Variants in VLDLR observed in about 807,000 individuals in gnomAD.
VLDLR encodes very low-density lipoprotein receptor.
VLDLR carries 81 observed loss-of-function variants against 112.7 expected under a neutral mutation model. The observed-to-expected ratio is 0.72, with a 90% CI of 0.60 to 0.86. The LOEUF (loss-of-function observed/expected upper bound fraction) is 0.86. VLDLR is among the 40% of genes least tolerant of loss of function. VLDLR has a pLI of 0.00. For missense variants in VLDLR, 1,237 were observed against 1,099.4 expected, an observed-to-expected ratio of 1.13 and a Z score of -1.77; for synonymous variants, 436 against 384.8, an observed-to-expected ratio of 1.13 and a Z score of -1.56.
chr9:2,653,934 G>A lies in VLDLR; in HGVS notation c.*66G>A. On this transcript the variant is annotated 3_prime_UTR_variant, in exon 19 of 19. Coordinates refer to ENST00000382100, the MANE Select transcript of VLDLR (RefSeq NM_003383.5). ...ATACCCCCGTCGGAATGGTAACCGA[G>A]CCAGCAGCTGAAGTCTCTTTTTCTT... 1.3e-6 allele frequency: 2 copies of A among 1,546,716 alleles called. No individual in the cohort carries two copies. The highest frequency in any genetic ancestry group is 1.8e-6 in the Non-Finnish European group (2 of 1,118,964).
rs114160150 is a variant in VLDLR at position 2,632,750 on chromosome 9, C to T, written c.83-2703C>T. On this transcript the variant is annotated intron_variant, in intron 1 of 18. Coordinates refer to ENST00000382100, the MANE Select transcript of VLDLR (RefSeq NM_003383.5). ...GTCAGGTGGCTAAGGGCTGGGCATT[C>T]GATTTAGTGTCTGAGCTCTCCCTCT... is the stretch of plus-strand genomic sequence containing the variant. 7.9e-3 allele frequency among the ~76,000 whole-genome samples: 1,208 copies of T among 152,006 alleles called. 23 individuals are homozygous for T. Among genetic ancestry groups the T allele is most frequent in the African/African-American group, 0.028 (1,158 of 41,482 alleles).
rs937418154 is a variant in VLDLR, at chr9:2,648,720, A to C, written c.2014A>C (p.Lys672Gln). The change falls in exon 14 of 19, where the codon AAA (lysine) becomes CAA (glutamine). Residue 672 changes from lysine (K) to glutamine (Q), a missense_variant. Transcript: ENST00000382100. ...GENEAVYGAN[K>Q]FTGSELATLV... ...AAATGAAGCAGTCTATGGTGCCAAT[A>C]AATTCACTGGATCAGAGCTAGCCAC... is the stretch of plus-strand genomic sequence containing the variant. 6.2e-7 allele frequency: 1 copy of C among 1,614,054 alleles called. No individual in the cohort carries two copies. The highest frequency in any genetic ancestry group is 8.5e-7 in the Non-Finnish European group (1 of 1,180,046).
rs149535475 is a variant in VLDLR, at chr9:2,651,413, A to C, written c.2252-2A>C. 6 of 1,613,514 alleles carry C rather than the reference A, an allele frequency of 3.7e-6. No individual in the cohort carries two copies. The African/African-American group carries it at 8.0e-5, about 22-fold the overall frequency. ...ACCAGGTTCTTGGTTTTTATAATTC[A>C]GGTACTGCAACTACTGTGACTTACA... On this transcript the variant is annotated splice_acceptor_variant, in intron 15 of 18. Coordinates refer to ENST00000382100, the MANE Select transcript of VLDLR (RefSeq NM_003383.5). LOFTEE classifies it high-confidence loss of function.
At position 2,654,125 on chromosome 9, in the gene VLDLR, C is replaced by T; in HGVS notation, c.*257C>T. ...GAATTTCTAGACAGTATTGCCACCT[C>T]TGGCCAAATATGCACTTTCCCTAGA... On this transcript the variant is annotated 3_prime_UTR_variant, in exon 19 of 19. Transcript: ENST00000382100. The T allele has an allele frequency of 2.0e-6, 1 of 495,550 alleles. No individual in the cohort carries two copies. The highest frequency in any genetic ancestry group is 3.7e-6 in the Non-Finnish European group (1 of 271,776). 30.7% of individuals were successfully genotyped at this position (495,550 alleles called of 1,614,324 possible).
Position 2,642,508 on chromosome 9 carries a change from C to T in VLDLR, c.449-652C>T, listed in dbSNP as rs371183308. ...TCGTGGTCTCTATTCTAATTGCCAC[C>T]AAATTGTGACCTTGAAACATTTGGC... On this transcript the variant is annotated intron_variant, in intron 4 of 18. Coordinates refer to ENST00000382100, the MANE Select transcript of VLDLR (RefSeq NM_003383.5). Among the ~76,000 whole-genome samples, 8 of 152,146 alleles carry T rather than the reference C, an allele frequency of 5.3e-5. No individual in the cohort carries two copies. The East Asian group carries it at 5.8e-4, about 11-fold the overall frequency.
chr9:2,633,783 T>C (rs1375772966), intron 1 of VLDLR, among the ~76,000 whole-genome samples: 1 of 152,164 alleles, frequency 6.6e-6, no homozygotes, highest in Non-Finnish European at 1.5e-5. Context: ...TAAGGTCATA[T>C]AGAACTGCAA....
intron 1 of VLDLR, among the ~76,000 whole-genome samples, chr9:2,631,754 A>G (rs371069048): frequency 1.4e-4 from 21 of 152,308 alleles, no homozygotes; most frequent in African/African-American, 5.1e-4. Flanking sequence ...GTAGTTAACA[A>G]AAACGTGCTC....
chr9:2,641,305 C>T (rs1817809959), intron 3 of VLDLR, 72 bp from the exon 4 acceptor site: 2 of 1,609,686 alleles, frequency 1.2e-6, no homozygotes, highest in Non-Finnish European at 1.7e-6. Flanking sequence ...TTAGCGCTTC[C>T]AGGCAGCACA....
chr9:2,626,960 A>T (rs910454725), intron 1 of VLDLR, among the ~76,000 whole-genome samples: 30 of 152,340 alleles, frequency 2.0e-4, no homozygotes, highest in Admixed American at 3.9e-4. Context: ...AGTAGGTTGC[A>T]GATTGATGTT....
chr9:2,634,656 C>T (rs746715118), intron 1 of VLDLR, among the ~76,000 whole-genome samples: 3 of 152,332 alleles, frequency 2.0e-5, no homozygotes, highest in Non-Finnish European at 4.4e-5. Context: ...ACTACATCTT[C>T]AGCTCCACCT....
chr9:2,645,981 C>G (rs548522211), intron 10 of VLDLR, among the ~76,000 whole-genome samples: 2 of 152,128 alleles, frequency 1.3e-5, no homozygotes, highest in South Asian at 4.2e-4. Flanking sequence ...TATTTTCTCC[C>G]TTTTCTCTAC....
At chr9:2,637,875 G>A (rs1390167601) in intron 2 of VLDLR, among the ~76,000 whole-genome samples, 2 of 152,066 alleles carry the variant, frequency 1.3e-5, no homozygotes, top group African/African-American at 4.8e-5. Context: ...CCCGGGAGGC[G>A]GAGCTTGCAG....
chr9:2,646,455 A>T lies in VLDLR; in HGVS notation c.1606A>T (p.Thr536Ser), dbSNP rs761454283. 1.2e-5 allele frequency: 19 copies of T among 1,613,946 alleles called. No homozygotes were observed. Among genetic ancestry groups the T allele is most frequent in the Non-Finnish European group, 1.5e-5 (18 of 1,180,008 alleles). Residue 536 changes from threonine (T) to serine (S), a missense_variant, in exon 11 of 19, where the codon ACT becomes TCT. Transcript: ENST00000382100. ...TIYWTDAASK[T>S]ISVATLDGTK... ...CTACTGGACTGATGCGGCTTCTAAG[A>T]CTATTTCAGTAGCTACCCTAGATGG...
intron 4 of VLDLR, among the ~76,000 whole-genome samples, chr9:2,642,521 T>A (rs965317001): frequency 1.3e-5 from 2 of 152,194 alleles, no homozygotes; most frequent in Non-Finnish European, 2.9e-5. Flanking sequence ...ATTGTGACCT[T>A]GAAACATTTG....
intron 1 of VLDLR, among the ~76,000 whole-genome samples, chr9:2,628,968 A>G (rs2130765172): frequency 6.6e-6 from 1 of 152,338 alleles, no homozygotes; most frequent in Non-Finnish European, 1.5e-5. Flanking sequence ...CTGAAAATGA[A>G]AGAGCCACTT....
intron 4 of VLDLR, among the ~76,000 whole-genome samples, chr9:2,642,419 A>C (rs1431215140): frequency 6.6e-6 from 1 of 152,164 alleles, no homozygotes; most frequent in East Asian, 1.9e-4. Flanking sequence ...GGTTTTCTGT[A>C]TTGGTAAGCC....
chr9:2,627,909 C>T (rs1817167199), intron 1 of VLDLR, among the ~76,000 whole-genome samples: 2 of 151,956 alleles, frequency 1.3e-5, no homozygotes, highest in African/African-American at 4.8e-5. Context: ...GTGAAGGTAC[C>T]CTCATAGGCC....
chr9:2,653,391 G>A (rs921919348), intron 18 of VLDLR, among the ~76,000 whole-genome samples: 1 of 152,138 alleles, frequency 6.6e-6, no homozygotes, highest in African/African-American at 2.4e-5. Flanking sequence ...ACCGCCCTTA[G>A]TATAGCTAGC....
chr9:2,646,977 A>G (rs1047173055), intron 11 of VLDLR, among the ~76,000 whole-genome samples: 12 of 152,202 alleles, frequency 7.9e-5, no homozygotes, highest in African/African-American at 1.9e-4. Flanking sequence ...TAAGTGTGCA[A>G]GTTGTCTGAA....
Sources: allele counts gnomAD v4.1 joint callset (sites outside exome capture counted in the v4.1 genomes callset), GRCh38; gene constraint gnomAD v4.1.1; transcripts MANE v1.5; gene names NCBI Gene and HGNC (gene_info 2026-07-23, HGNC 2026-07-21).